The following COL24A1 variants were observed in gnomAD, a reference collection of about 807,000 sequenced individuals.
The protein encoded by COL24A1 is collagen alpha-1(XXIV) chain.
A neutral mutation model predicts 253.9 loss-of-function variants in COL24A1; 224 were observed. The observed-to-expected ratio is 0.88, with a 90% CI of 0.79 to 0.99. COL24A1 has a LOEUF of 0.99. Among genes scored for constraint, COL24A1 ranks in the 50% least tolerant of loss-of-function variants. COL24A1 has a pLI of 0.00. For missense variants in COL24A1, 2,131 were observed against 2,068.5 expected (o/e 1.03, Z -0.59); for synonymous variants, 685 against 673.7 (o/e 1.02, Z -0.26).
At chr1:85,799,828 T>C (rs1671246898) in intron 47 of COL24A1, among the ~76,000 whole-genome samples, 1 of 152,218 alleles carries the variant, frequency 6.6e-6, no homozygotes, top group Admixed American at 6.5e-5. Flanking sequence ...GTCTAACTTG[T>C]TCTGTGAAAA....
intron 24 of COL24A1, among the ~76,000 whole-genome samples, chr1:85,951,889 G>C (rs1434850893): frequency 1.3e-5 from 2 of 152,024 alleles, no homozygotes; most frequent in Non-Finnish European, 2.9e-5. Context: ...CTTACAAAAA[G>C]TTTTCTACAA....
intron 53 of COL24A1, among the ~76,000 whole-genome samples, chr1:85,766,375 AAAAAAAAAAAAAAAAG>A (rs1171799591): frequency 2.2e-5 from 3 of 137,568 alleles, no homozygotes; most frequent in African/African-American, 8.2e-5. Context: ...TCTCAAAAAA[AAAAAAAAAAAAAAAAG>A]AAAGAAAGAA....
In COL24A1 at chr1:85,730,712, T is replaced by A. The variant is rs201711455; in HGVS notation, c.4999-20A>T. 6.2e-7 allele frequency: 1 copy of A among 1,613,116 alleles called. No homozygotes were observed. Among genetic ancestry groups the A allele is most frequent in the Non-Finnish European group, 8.5e-7 (1 of 1,179,526 alleles). On this transcript the variant is annotated intron_variant, in intron 59 of 59. Coordinates refer to ENST00000370571, the MANE Select transcript of COL24A1 (RefSeq NM_152890.7). ...TTGAATCTGTAAAATAAGAACAAAATGCTTTCATACGCATTTCATTAGCAG... is the reference window on the plus strand; with the variant it reads ...TTGAATCTGTAAAATAAGAACAAAAAGCTTTCATACGCATTTCATTAGCAG...
chr1:85,810,930 C>T lies in COL24A1; in HGVS notation c.3951+5858G>A, dbSNP rs534019184. 5.5e-4 allele frequency among the ~76,000 whole-genome samples: 83 copies of T among 152,288 alleles called. 1 individual carries two copies. The Middle Eastern group carries it at 0.017, about 31-fold the overall frequency. Reference sequence around the variant, plus strand: ...TAATACTCTTTGCCTTCACTTTACTCTGTCAGCTCCCTCCTGAATTATTTC... The same window carrying T: ...TAATACTCTTTGCCTTCACTTTACTTTGTCAGCTCCCTCCTGAATTATTTC... On this transcript the variant is annotated intron_variant, in intron 47 of 59. Coordinates refer to ENST00000370571, the MANE Select transcript of COL24A1 (RefSeq NM_152890.7).
intron 48 of COL24A1, 89 bp downstream of exon 48, chr1:85,786,265 A>C: frequency 8.7e-7 from 1 of 1,144,924 alleles, no homozygotes; most frequent in Non-Finnish European, 1.3e-6. Flanking sequence ...AAAACTATTA[A>C]TCTTACCATT....
At chr1:86,045,450 A>G (rs893043787) in intron 12 of COL24A1, among the ~76,000 whole-genome samples, 15 of 152,174 alleles carry the variant, frequency 9.9e-5, no homozygotes, top group African/African-American at 2.9e-4. Context: ...AATAAGACTA[A>G]AGAAAACAAA....
intron 45 of COL24A1, among the ~76,000 whole-genome samples, chr1:85,819,899 G>A (rs313760): frequency 0.4 from 58,830 of 148,654 alleles, 12,709 homozygotes; most frequent in East Asian, 0.58. Flanking sequence ...CCAGGTTGGA[G>A]TACAGTGTCA....
chr1:86,030,619 G>A (rs1183027300), intron 14 of COL24A1: 1 of 152,256 alleles, frequency 6.6e-6, no homozygotes, highest in Non-Finnish European at 1.5e-5. Flanking sequence ...TGCAAGAAGT[G>A]AAAAGGGACA....
At chr1:86,033,748 G>C in intron 13 of COL24A1, 122 bp downstream of exon 13, 1 of 839,514 alleles carries the variant, frequency 1.2e-6, no homozygotes, top group Non-Finnish European at 1.8e-6. Flanking sequence ...TGTGCACAGT[G>C]GTGTGGAGAT....
chr1:86,111,611 C>G (rs1002351831), intron 5 of COL24A1, among the ~76,000 whole-genome samples: 6 of 152,110 alleles, frequency 3.9e-5, no homozygotes, highest in Admixed American at 3.9e-4. Context: ...CTGCCCGAGC[C>G]CACAGGGGCA....
chr1:86,143,462 T>C (rs1651441866), intron 2 of COL24A1, among the ~76,000 whole-genome samples: 5 of 152,040 alleles, frequency 3.3e-5, no homozygotes, highest in Admixed American at 3.3e-4. Flanking sequence ...AATATAAACG[T>C]ACATGGCTCA....
rs759197870 is a variant in COL24A1 at position 85,816,910 on chromosome 1, A to C, written c.3844-15T>G. On this transcript the variant is annotated splice_polypyrimidine_tract_variant and intron_variant, in intron 46 of 59. Transcript: ENST00000370571. ...CCTTGAAGTCCCTTGATAATTAAAA[A>C]TTATTTGGATTGTAGAGATGCTGAA... is the stretch of plus-strand genomic sequence containing the variant. The C allele has an allele frequency of 6.4e-7, 1 of 1,561,034 alleles. No individual in the cohort carries two copies. Among genetic ancestry groups the C allele is most frequent in the Non-Finnish European group, 8.8e-7 (1 of 1,132,226 alleles).
At chr1:86,137,724 C>A (rs1055217602) in intron 2 of COL24A1, among the ~76,000 whole-genome samples, 2 of 152,274 alleles carry the variant, frequency 1.3e-5, no homozygotes, top group Non-Finnish European at 1.5e-5. Flanking sequence ...GACTCACAAA[C>A]CTCTCTTCTG....
intron 23 of COL24A1, among the ~76,000 whole-genome samples, chr1:85,962,613 A>G (rs1357594078): frequency 6.6e-6 from 1 of 152,206 alleles, no homozygotes; most frequent in Non-Finnish European, 1.5e-5. Flanking sequence ...TGTGATACTT[A>G]ACACTGGTAA....
At chr1:85,883,158 T>C (rs1023021926) in intron 32 of COL24A1, among the ~76,000 whole-genome samples, 2 of 152,132 alleles carry the variant, frequency 1.3e-5, no homozygotes, top group Middle Eastern at 3.2e-3. Flanking sequence ...CTTCTTCTTC[T>C]TTCGTCTTCT....
At chr1:85,863,899 C>G (rs1679463304) in intron 37 of COL24A1, among the ~76,000 whole-genome samples, 4 of 152,062 alleles carry the variant, frequency 2.6e-5, no homozygotes, top group Admixed American at 2.6e-4. Context: ...CAGGAAACAA[C>G]AAGTGGGGGA....
Position 85,784,279 on chromosome 1 carries a change from G to C in COL24A1, c.4147C>G (p.Pro1383Ala). The C allele has an allele frequency of 1.2e-6, 2 of 1,613,956 alleles. No homozygotes were observed. The highest frequency in any genetic ancestry group is 1.7e-6 in the Non-Finnish European group (2 of 1,179,944). The change falls in exon 49 of 60, where the codon CCT (proline) becomes GCT (alanine). Residue 1383 changes from proline to alanine, a missense_variant. Physicochemically the swap from Pro to Ala is conservative, Grantham distance 27. Transcript: ENST00000370571. The stretch of plus-strand genomic sequence containing the variant: ...CATACAGGCTGCCCTTTCAGGCCAG[G>C]GTCTCCACATGGTCCTTGATCACCT... ...AQGDQGPCGD[P>A]GLKGQPGEYG... is the part of the protein sequence containing the mutation.
intron 22 of COL24A1, among the ~76,000 whole-genome samples, chr1:85,967,252 G>A (rs1184509002): frequency 2.6e-5 from 4 of 152,160 alleles, no homozygotes; most frequent in Non-Finnish European, 5.9e-5. Flanking sequence ...CTAAGAATAA[G>A]GATGAGAGAT....
At chr1:85,907,315 C>CT in intron 27 of COL24A1, 68 bp from the exon 28 acceptor site, 1 of 1,290,484 alleles carries the variant, frequency 7.7e-7, no homozygotes, top group Non-Finnish European at 1.1e-6. Flanking sequence ...TAGCCATAAT[C>CT]TTTCTTATAA....
Sources: gnomAD v4.1 joint callset for allele counts (sites outside exome capture counted in the v4.1 genomes callset) on GRCh38, gnomAD v4.1.1 for gene constraint, MANE v1.5 for transcripts, NCBI Gene and HGNC (gene_info 2026-07-23, HGNC 2026-07-21) for gene names.